The following FNIP2 variants were observed in gnomAD, a reference collection of about 807,000 sequenced individuals.
FNIP2 encodes folliculin interacting protein 2.
Under a neutral mutation model 108.7 loss-of-function variants are expected in FNIP2, and 32 were observed. That is an observed-to-expected ratio of 0.29 (90% CI 0.22 to 0.40). The LOEUF (loss-of-function observed/expected upper bound fraction) is 0.40. Ranked by LOEUF, FNIP2 falls within the 10% of genes least tolerant of loss-of-function variation. FNIP2 has a pLI of 1.00. For synonymous variants in FNIP2, 480 were observed against 496.7 expected, an observed-to-expected ratio of 0.97 and a Z score of 0.45; for missense variants, 1,202 against 1,381.6, an observed-to-expected ratio of 0.87 and a Z score of 2.06.
rs1227668859 is a variant in FNIP2, at chr4:158,769,224, C to T, written c.12C>T (p.Thr4=). The change falls in exon 1 of 17, where the codon ACC becomes ACT. Residue 4 remains threonine (T), a synonymous_variant. Transcript: ENST00000264433. Reference sequence around the variant, plus strand: ...GCGGCGGCGGCATCATGGCCCCGACCCTGCTCCAGAAGCTCTTCAACAAAA... The same window carrying T: ...GCGGCGGCGGCATCATGGCCCCGACTCTGCTCCAGAAGCTCTTCAACAAAA... MAP[T]LLQKLFNKRG... 9.4e-6 allele frequency: 14 copies of T among 1,495,512 alleles called. No individual in the cohort carries two copies. Among genetic ancestry groups the T allele is most frequent in the Middle Eastern group, 2.3e-4 (1 of 4,314 alleles). 92.6% of individuals were successfully genotyped at this position (1,495,512 alleles called of 1,614,324 possible). A position where few individuals can be genotyped will look rare whatever the true frequency, so the allele number is the denominator to read the frequency against.
Position 158,907,485 on chromosome 4 carries a change from T to C in FNIP2, c.*2941T>C, listed in dbSNP as rs1420713928. On this transcript the variant is annotated 3_prime_UTR_variant, in exon 17 of 17. Coordinates refer to ENST00000264433, the MANE Select transcript of FNIP2 (RefSeq NM_020840.3). ...GATACTAAACCGTTGTTTGGGCTCT[T>C]ATAATTAGGTCCTGAGATTTTATAA... 1.3e-5 allele frequency: 2 copies of C among 152,220 alleles called. No homozygotes were observed. Among genetic ancestry groups the C allele is most frequent in the South Asian group, 2.1e-4 (1 of 4,838 alleles). 9.4% of individuals were successfully genotyped at this position (152,220 alleles called of 1,614,324 possible).
chr4:158,822,632 G>A (rs1412081865), intron 1 of FNIP2, among the ~76,000 whole-genome samples: 1 of 152,072 alleles, frequency 6.6e-6, no homozygotes, highest in Admixed American at 6.6e-5. Flanking sequence ...TAAGTAGCTG[G>A]GACTACAGGT....
intron 16 of FNIP2, among the ~76,000 whole-genome samples, chr4:158,903,806 A>ATTT (rs898628444): frequency 1.1e-4 from 16 of 149,088 alleles, no homozygotes; most frequent in Non-Finnish European, 2.1e-4. Context: ...AAACAGTTCA[A>ATTT]TTTTTTTTTT....
At chr4:158,802,820 CT>C (rs1560762926) in intron 1 of FNIP2, among the ~76,000 whole-genome samples, 1 of 152,150 alleles carries the variant, frequency 6.6e-6, no homozygotes, top group Admixed American at 6.5e-5. Flanking sequence ...AGAGGTTGGA[CT>C]TGTGTCTTGA....
Position 158,868,294 on chromosome 4 carries a change from T to C in FNIP2, c.1658T>C (p.Ile553Thr), listed in dbSNP as rs753290784. The change falls in exon 13 of 17, where the codon ATC becomes ACC. Residue 553 changes from isoleucine to threonine, a missense_variant. Ile to Thr is a moderately conservative substitution (Grantham distance 89). Around this residue, in one of 5 missense-constraint regions of FNIP2, gnomAD observed 878 missense variants for 990.3 expected, o/e 0.89. Transcript: ENST00000264433. This position sits in a 1 kb window ranked among gnomAD's most constrained non-coding sequence, Gnocchi z 4.6. ...GACCAAGTTTTAAATGGGAGCAAGA[T>C]CATAACAGCCTTGGAGAAAGGAGAG... ...EGDQVLNGSK[I>T]ITALEKGEVE... The C allele has an allele frequency of 6.2e-7, 1 of 1,614,034 alleles. No homozygotes were observed.
chr4:158,856,249 T>C (rs1054860266), intron 8 of FNIP2, among the ~76,000 whole-genome samples: 2 of 152,224 alleles, frequency 1.3e-5, no homozygotes, highest in African/African-American at 4.8e-5. Flanking sequence ...GGGATGTTCT[T>C]TGACCTACAA....
At chr4:158,826,159 G>T in intron 2 of FNIP2, 117 bp downstream of exon 2, 3 of 1,358,224 alleles carry the variant, frequency 2.2e-6, no homozygotes, top group African/African-American at 1.5e-5. Context: ...GCCATTAATG[G>T]TTCAGAAGAA....
intron 14 of FNIP2, chr4:158,890,116 A>G: frequency 3.0e-6 from 3 of 985,312 alleles, no homozygotes; most frequent in South Asian, 9.4e-5. Flanking sequence ...GGCTTTATGA[A>G]TTCAAAAATA....
intron 14 of FNIP2, among the ~76,000 whole-genome samples, chr4:158,883,063 A>G (rs1368220256): frequency 2.0e-5 from 3 of 151,950 alleles, no homozygotes. Flanking sequence ...ACAAGAAGCT[A>G]TCACCCAAAA....
At position 158,791,976 on chromosome 4, in the gene FNIP2, C is replaced by T. The variant is rs377418470; in HGVS notation, c.107+22657C>T. ...GAAATTAGCCGGGCATAGTGGTGCA[C>T]ACCTGTGGTCCCAGCTACTTGGGAA... On this transcript the variant is annotated intron_variant, in intron 1 of 16. Transcript: ENST00000264433. Among the ~76,000 whole-genome samples, 81 of 152,204 alleles carry T rather than the reference C, an allele frequency of 5.3e-4. 2 individuals carry two copies. In the East Asian group the frequency reaches 9.5e-3, roughly 18 times the overall value.
rs34644827 is a variant in FNIP2, at chr4:158,868,403, G to C, written c.1767G>C (p.Glu589Asp). 6.2e-7 allele frequency: 1 copy of C among 1,613,902 alleles called. No individual in the cohort carries two copies. The highest frequency in any genetic ancestry group is 8.5e-7 in the Non-Finnish European group (1 of 1,179,914). ...VPPILPPTAA[E>D]RHNPWPTGFP... Reference sequence around the variant, plus strand: ...CCATCCTACCACCAACAGCAGCAGAGAGACACAACCCCTGGCCGACAGGGT... The same window carrying C: ...CCATCCTACCACCAACAGCAGCAGACAGACACAACCCCTGGCCGACAGGGT... Residue 589 changes from glutamate to aspartate, a missense_variant, in exon 13 of 17, where the codon GAG (glutamate) becomes GAC (aspartate). By Grantham distance (45) the Glu-to-Asp change is conservative. Transcript: ENST00000264433. This position sits in a 1 kb window ranked among gnomAD's most constrained non-coding sequence, Gnocchi z 4.6.
intron 14 of FNIP2, among the ~76,000 whole-genome samples, chr4:158,888,451 C>T (rs1232769266): frequency 6.6e-6 from 1 of 152,174 alleles, no homozygotes; most frequent in Non-Finnish European, 1.5e-5. Flanking sequence ...AATGCCAGCT[C>T]CTGTGCTAGA....
chr4:158,892,861 T>G (rs1782371372), intron 15 of FNIP2, among the ~76,000 whole-genome samples: 1 of 152,232 alleles, frequency 6.6e-6, no homozygotes, highest in Admixed American at 6.5e-5. Flanking sequence ...TTTTTAAATA[T>G]TAATTACCTA....
At position 158,859,214 on chromosome 4, in the gene FNIP2, C is replaced by G; in HGVS notation, c.1015C>G (p.Leu339Val). 1 of 1,611,970 alleles carries G rather than the reference C, an allele frequency of 6.2e-7. No individual in the cohort carries two copies. Among genetic ancestry groups the G allele is most frequent in the Non-Finnish European group, 8.5e-7 (1 of 1,178,820 alleles). Residue 339 changes from leucine to valine, a missense_variant, in exon 9 of 17, where the codon CTG becomes GTG. By Grantham distance (32) the Leu-to-Val change is conservative. Around this residue, in one of 5 missense-constraint regions of FNIP2, gnomAD observed 878 missense variants for 990.3 expected, o/e 0.89. Coordinates refer to ENST00000264433, the MANE Select transcript of FNIP2 (RefSeq NM_020840.3). Reference sequence around the variant, plus strand: ...GGACTTCTTCTTTTCTCATTTTCCCCTGTTTGAATCTCACATGAACAGGCT... The same window carrying G: ...GGACTTCTTCTTTTCTCATTTTCCCGTGTTTGAATCTCACATGAACAGGCT... ...FQDFFFSHFP[L>V]FESHMNRLKS...
At chr4:158,825,774 C>T in intron 1 of FNIP2, 142 bp from the exon 2 acceptor site, 1 of 1,007,122 alleles carries the variant, frequency 9.9e-7, no homozygotes, top group Non-Finnish European at 1.5e-6. Context: ...CACTGGTGCC[C>T]CAGTTCTGAG....
intron 7 of FNIP2, chr4:158,835,981 G>C (rs1778774064): frequency 6.6e-6 from 1 of 152,550 alleles, no homozygotes. Context: ...TTCACCTTTT[G>C]TATGTGACCT....
intron 14 of FNIP2, among the ~76,000 whole-genome samples, chr4:158,874,500 A>AAAAAAAAAAAAG (rs1402709442): frequency 6.6e-6 from 1 of 150,402 alleles, no homozygotes; most frequent in African/African-American, 2.4e-5. Flanking sequence ...AGCAAAAAAA[A>AAAAAAAAAAAAG]AAAAATAGCT....
intron 14 of FNIP2, among the ~76,000 whole-genome samples, chr4:158,878,007 A>G (rs892633593): frequency 2.0e-5 from 3 of 151,172 alleles, no homozygotes; most frequent in African/African-American, 7.3e-5. Flanking sequence ...TTCCAGCAAC[A>G]TGTACTAAAC....
chr4:158,863,616 A>G (rs1396949430), intron 12 of FNIP2, among the ~76,000 whole-genome samples: 1 of 152,244 alleles, frequency 6.6e-6, no homozygotes, highest in Non-Finnish European at 1.5e-5. Flanking sequence ...TGGGCTGCAG[A>G]AGCAATTTAG....
Sources: gnomAD v4.1 joint callset for allele counts (sites outside exome capture counted in the v4.1 genomes callset) on GRCh38, gnomAD v4.1.1 for gene constraint, gnomAD v4.1.1 regional missense constraint, Gnocchi (gnomAD v3.1) non-coding constraint, MANE v1.5 for transcripts, NCBI Gene and HGNC (gene_info 2026-07-23, HGNC 2026-07-21) for gene names.